The following MEGF6 variants were observed in gnomAD, a reference collection of about 807,000 sequenced individuals.
MEGF6 encodes multiple epidermal growth factor-like domains protein 6.
A neutral mutation model predicts 207.1 loss-of-function variants in MEGF6; 184 were observed. That is an observed-to-expected ratio of 0.89 (90% CI 0.79 to 1.00). MEGF6 has a LOEUF of 1.00. MEGF6 is among the 50% of genes least tolerant of loss of function. The probability of loss-of-function intolerance (pLI) is 0.00; values close to 1 mark genes in which losing one functional copy is unlikely to be tolerated. For synonymous variants in MEGF6, 1,038 were observed against 910.0 expected (o/e 1.14, Z -2.53); for missense variants, 2,282 against 2,202.9 (o/e 1.04, Z -0.72).
intron 21 of MEGF6, among the ~76,000 whole-genome samples, chr1:3,500,345 G>T (rs1640802092): frequency 6.6e-6 from 1 of 152,262 alleles, no homozygotes; most frequent in East Asian, 1.9e-4. Flanking sequence ...CCTGGTGCAG[G>T]TCGGTGAGAG....
rs1171401994 is a variant in MEGF6, at chr1:3,560,544, T to G, written c.481+19281A>C. On this transcript the variant is annotated intron_variant, in intron 4 of 36. Coordinates refer to ENST00000356575, the MANE Select transcript of MEGF6 (RefSeq NM_001409.4). The surrounding 1 kb of genome is among the most constrained non-coding windows in gnomAD (Gnocchi z 4.0). ...CCAGCAGTGTGTGGCCTTGGACTGC[T>G]GTCCTCACTCAGCAACTTGCATTGA... Among the ~76,000 whole-genome samples the G allele has an allele frequency of 6.6e-6, 1 of 152,202 alleles. No homozygotes were observed. The highest frequency in any genetic ancestry group is 1.5e-5 in the Non-Finnish European group (1 of 68,034).
intron 4 of MEGF6, among the ~76,000 whole-genome samples, chr1:3,534,938 G>A (rs373561347): frequency 6.6e-6 from 1 of 152,076 alleles, no homozygotes; most frequent in Non-Finnish European, 1.5e-5. Context: ...TCCAAATCCC[G>A]CGTCCATCCA....
chr1:3,535,410 T>C (rs938146900), intron 4 of MEGF6, among the ~76,000 whole-genome samples: 24 of 152,168 alleles, frequency 1.6e-4, no homozygotes, highest in Non-Finnish European at 1.8e-4. Flanking sequence ...CACCCTCATC[T>C]GACAGGCAGC....
intron 4 of MEGF6, among the ~76,000 whole-genome samples, chr1:3,533,103 C>T (rs1235547062): frequency 1.3e-5 from 2 of 152,346 alleles, no homozygotes; most frequent in African/African-American, 4.8e-5. Context: ...CAGAAGCCTG[C>T]CCAGTGCTAA....
In MEGF6 at chr1:3,590,223, G is replaced by A. The variant is rs915379013; in HGVS notation, c.376+5115C>T. Among the ~76,000 whole-genome samples, 5 of 152,298 alleles carry A rather than the reference G, an allele frequency of 3.3e-5. No homozygotes were observed. In the East Asian group the frequency reaches 9.7e-4, roughly 29 times the overall value. ...AGCGAGTCAGCTGCTCCAGGCTGGCGCTCATCTGCCACTCTGCCCACCGGG... is the reference window on the plus strand; with the variant it reads ...AGCGAGTCAGCTGCTCCAGGCTGGCACTCATCTGCCACTCTGCCCACCGGG... On this transcript the variant is annotated intron_variant, in intron 3 of 36. Coordinates refer to ENST00000356575, the MANE Select transcript of MEGF6 (RefSeq NM_001409.4).
chr1:3,573,001 T>C lies in MEGF6; in HGVS notation c.481+6824A>G, dbSNP rs1401775985. Among the ~76,000 whole-genome samples the C allele has an allele frequency of 2.0e-4, 24 of 121,816 alleles. No homozygotes were observed. Among genetic ancestry groups the C allele is most frequent in the South Asian group, 3.0e-4 (1 of 3,294 alleles). 79.9% of individuals were successfully genotyped at this position (121,816 alleles called of 152,430 possible). ...TGGGTTCTCCTGGGTGTGCTGGGTC[T>C]TTCCTGGGTGTGCTGGGTTCTCCTG... On this transcript the variant is annotated intron_variant, in intron 4 of 36. Coordinates refer to ENST00000356575, the MANE Select transcript of MEGF6 (RefSeq NM_001409.4). This position sits in a 1 kb window ranked among gnomAD's most constrained non-coding sequence, Gnocchi z 5.1.
At position 3,502,113 on chromosome 1, in the gene MEGF6, G is replaced by A. The variant is rs375049184; in HGVS notation, c.2189-192C>T. 8.3e-5 allele frequency among the ~76,000 whole-genome samples: 7 copies of A among 84,206 alleles called. No individual in the cohort carries two copies. The East Asian group carries it at 2.2e-3, about 27-fold the overall frequency. 55.2% of individuals were successfully genotyped at this position (84,206 alleles called of 152,430 possible). A position where few individuals can be genotyped will look rare whatever the true frequency, so the allele number is the denominator to read the frequency against. ...CCCGCGCCTCCTCACATGGGCTCTG[G>A]CTCTAGCCCCCGGGGGTGGGGCTGC... On this transcript the variant is annotated intron_variant, in intron 17 of 36. Coordinates refer to ENST00000356575, the MANE Select transcript of MEGF6 (RefSeq NM_001409.4).
chr1:3,530,349 C>T (rs908550413), intron 4 of MEGF6, among the ~76,000 whole-genome samples: 4 of 152,308 alleles, frequency 2.6e-5, no homozygotes, highest in Admixed American at 2.0e-4. Flanking sequence ...TTCAGGGCCC[C>T]CCGCCAGCCA....
chr1:3,600,296 CAGG>C lies in MEGF6; in HGVS notation c.266+2167_266+2169del, dbSNP rs969712175. On this transcript the variant is annotated intron_variant, in intron 2 of 36. Transcript: ENST00000356575. ...TGTGGCAGAGCTGTCCCTGTGGGCA[CAGG>C]AGGAGTGGCCTGTGCCCACCTCCAC... Among the ~76,000 whole-genome samples, 118 of 151,792 alleles carry C rather than the reference CAGG, an allele frequency of 7.8e-4. 1 individual carries two copies. The highest frequency in any genetic ancestry group is 2.7e-3 in the African/African-American group (110 of 41,154).
rs1640489473 is a variant in MEGF6 at position 3,493,995 on chromosome 1, C to A, written c.4258+1G>T. 1.9e-6 allele frequency: 3 copies of A among 1,598,622 alleles called. No individual in the cohort carries two copies. The highest frequency in any genetic ancestry group is 1.8e-5 in the Admixed American group (1 of 56,998). ...GGTTCAGGGAGGCACCAAGCACTCACCCCTCTCACAGAAGTGGCCGTGGAA... is the reference window on the plus strand; with the variant it reads ...GGTTCAGGGAGGCACCAAGCACTCAACCCTCTCACAGAAGTGGCCGTGGAA... On this transcript the variant is annotated splice_donor_variant, in intron 33 of 36. Coordinates refer to ENST00000356575, the MANE Select transcript of MEGF6 (RefSeq NM_001409.4). LOFTEE classifies it high-confidence loss of function.
chr1:3,567,074 C>T (rs1643362108), intron 4 of MEGF6, among the ~76,000 whole-genome samples: 1 of 152,258 alleles, frequency 6.6e-6, no homozygotes, highest in African/African-American at 2.4e-5. Flanking sequence ...TTGGGGCCTG[C>T]TGCTGCCCTG....
rs1641176603 is a variant in MEGF6 at position 3,507,941 on chromosome 1, G to A, written c.1661-18C>T. The A allele has an allele frequency of 6.2e-7, 1 of 1,606,118 alleles. No individual in the cohort carries two copies. The highest frequency in any genetic ancestry group is 8.5e-7 in the Non-Finnish European group (1 of 1,174,954). The stretch of plus-strand genomic sequence containing the variant: ...AGGACAAGCTACAAAGAATGACAGG[G>A]AAGCGTCAGGGTCACCAGCCAGCAC... On this transcript the variant is annotated intron_variant, in intron 13 of 36. Transcript: ENST00000356575.
chr1:3,523,072 G>GC (rs1040229138), intron 5 of MEGF6, among the ~76,000 whole-genome samples: 7 of 108,262 alleles, frequency 6.5e-5, no homozygotes, highest in Non-Finnish European at 2.1e-5. Flanking sequence ...GTGAGTGTGT[G>GC]CCGGGGGGGG....
At chr1:3,605,965 C>T (rs903208330) in intron 1 of MEGF6, among the ~76,000 whole-genome samples, 1 of 152,248 alleles carries the variant, frequency 6.6e-6, no homozygotes, top group Non-Finnish European at 1.5e-5. Context: ...AGATCCCTCC[C>T]CAACCCCTCC....
At chr1:3,593,623 CCATT>C (rs1408103964) in intron 3 of MEGF6, among the ~76,000 whole-genome samples, 4 of 152,002 alleles carry the variant, frequency 2.6e-5, no homozygotes, top group Non-Finnish European at 5.9e-5. Flanking sequence ...TTGTTTCCCC[CCATT>C]ATTAGAATCC....
chr1:3,582,666 T>C (rs78974574), intron 3 of MEGF6, among the ~76,000 whole-genome samples: 3,627 of 152,184 alleles, frequency 0.024, 178 homozygotes, highest in African/African-American at 0.082. Context: ...CCCCAGATCC[T>C]CCCTATTAGA....
chr1:3,520,843 G>A (rs964121611), intron 5 of MEGF6, among the ~76,000 whole-genome samples: 1 of 152,196 alleles, frequency 6.6e-6, no homozygotes. Context: ...GTTCAAGTAC[G>A]TTTCAAGGCC....
the MEGF6 span, among the ~76,000 whole-genome samples, chr1:3,617,573 G>A: frequency 3.9e-5 from 6 of 152,010 alleles, no homozygotes; most frequent in South Asian, 6.2e-4. Flanking sequence ...AAACCACCAC[G>A]GCACACATTT....
chr1:3,557,919 C>T (rs531505469), intron 4 of MEGF6, among the ~76,000 whole-genome samples: 3 of 152,218 alleles, frequency 2.0e-5, no homozygotes, highest in Non-Finnish European at 4.4e-5. Flanking sequence ...AGGAAACAAA[C>T]ATCGAAAGCT....
Sources: allele counts gnomAD v4.1 joint callset (sites outside exome capture counted in the v4.1 genomes callset), GRCh38; gene constraint gnomAD v4.1.1; non-coding constraint Gnocchi (gnomAD v3.1); transcripts MANE v1.5; gene names NCBI Gene and HGNC (gene_info 2026-07-23, HGNC 2026-07-21).